PTCHD4: variants seen among roughly 807,000 people sequenced by gnomAD.
PTCHD4 encodes the protein patched domain-containing protein 4.
PTCHD4 carries 33 observed loss-of-function variants against 58.1 expected under a neutral mutation model. The observed-to-expected ratio is 0.57, with a 90% CI of 0.43 to 0.76. The LOEUF is 0.76. Among genes scored for constraint, PTCHD4 ranks in the 30% least tolerant of loss-of-function variants. The pLI is 0.00. For synonymous variants in PTCHD4, 478 were observed against 409.6 expected, an observed-to-expected ratio of 1.17 and a Z score of -2.02; for missense variants, 1,058 against 1,027.1, an observed-to-expected ratio of 1.03 and a Z score of -0.41.
At chr6:48,026,871 G>A (rs1276226008) in intron 3 of PTCHD4, among the ~76,000 whole-genome samples, 1 of 150,824 alleles carries the variant, frequency 6.6e-6, no homozygotes, top group African/African-American at 2.4e-5. Flanking sequence ...ATGATTATTC[G>A]TAAAAAGTTT....
At chr6:47,883,727 C>A (rs1199185356) in intron 4 of PTCHD4, among the ~76,000 whole-genome samples, 1 of 152,096 alleles carries the variant, frequency 6.6e-6, no homozygotes, top group Non-Finnish European at 1.5e-5. Context: ...CTGTCATGAA[C>A]TTTGGAGGAT....
At chr6:48,017,636 T>C (rs1380813044) in intron 3 of PTCHD4, among the ~76,000 whole-genome samples, 1 of 152,186 alleles carries the variant, frequency 6.6e-6, no homozygotes, top group East Asian at 1.9e-4. Context: ...AGGCAACTCT[T>C]CCAATTGCTC....
chr6:48,087,487 C>T (rs1247683070), intron 1 of PTCHD4, among the ~76,000 whole-genome samples: 1 of 152,074 alleles, frequency 6.6e-6, no homozygotes, highest in African/African-American at 2.4e-5. Context: ...GTTAATTATA[C>T]TAATTTACAT....
rs1360076 is a variant in PTCHD4 at position 47,862,761 on chromosome 6, C to A, written c.*15542G>T. 0.67 allele frequency among the ~76,000 whole-genome samples: 101,369 copies of A among 151,622 alleles called. 34,374 individuals carry two copies. The highest frequency in any genetic ancestry group is 0.78 in the East Asian group (4,014 of 5,128). On this transcript the variant is annotated 3_prime_UTR_variant, in exon 5 of 5. Transcript: ENST00000339488. ...TAGAAAATAAGAACTGATTTCCACA[C>A]AGACCCATTAATACTGTTTCCTTTG...
rs150640122 is a variant in PTCHD4 at position 48,003,415 on chromosome 6, A to G, written c.898+5219T>C. On this transcript the variant is annotated intron_variant, in intron 4 of 4. Transcript: ENST00000339488. ...TTGGTCCTCTAAGCCTGGGGTCATC[A>G]TTGACAATTCTTTTTCTCTTACATG... 4.8e-4 allele frequency among the ~76,000 whole-genome samples: 73 copies of G among 152,274 alleles called. No homozygotes were observed. In the East Asian group the frequency reaches 0.012, roughly 25 times the overall value.
chr6:48,023,294 G>A (rs1452028561), intron 3 of PTCHD4, among the ~76,000 whole-genome samples: 1 of 152,062 alleles, frequency 6.6e-6, no homozygotes, highest in Non-Finnish European at 1.5e-5. Flanking sequence ...TAAGTCCAGT[G>A]GTAGTAAGTT....
At chr6:48,053,267 AT>A (rs1332713839) in intron 3 of PTCHD4, among the ~76,000 whole-genome samples, 1 of 152,188 alleles carries the variant, frequency 6.6e-6, no homozygotes, top group Non-Finnish European at 1.5e-5. Flanking sequence ...ACTGATTAAA[AT>A]TCTTTAATAT....
At chr6:47,900,604 A>G (rs1194590557) in intron 4 of PTCHD4, 1 of 152,190 alleles carries the variant, frequency 6.6e-6, no homozygotes, top group African/African-American at 2.4e-5. Flanking sequence ...TTGAAGTACA[A>G]CTTTTAAGTT....
At chr6:48,104,172 A>G (rs903611728) in intron 1 of PTCHD4, among the ~76,000 whole-genome samples, 4 of 152,344 alleles carry the variant, frequency 2.6e-5, no homozygotes, top group Admixed American at 2.0e-4. Context: ...AGTTGAAGTG[A>G]AGGAAAAAAT....
At chr6:47,896,581 A>C (rs747075256) in intron 4 of PTCHD4, among the ~76,000 whole-genome samples, 6 of 152,204 alleles carry the variant, frequency 3.9e-5, no homozygotes, top group Non-Finnish European at 2.9e-5. Context: ...ATGAAAATGT[A>C]AATACTCCTG....
At chr6:47,901,553 A>G (rs2114147579) in intron 4 of PTCHD4, 1 of 1,027,576 alleles carries the variant, frequency 9.7e-7, no homozygotes, top group Non-Finnish European at 1.2e-6. Context: ...ACTAAACAGT[A>G]CTTATAATGC....
intron 4 of PTCHD4, among the ~76,000 whole-genome samples, chr6:47,956,782 T>C (rs1766878968): frequency 6.6e-6 from 1 of 152,138 alleles, no homozygotes; most frequent in Non-Finnish European, 1.5e-5. Flanking sequence ...GTTTAAACTA[T>C]TCATACATAC....
At chr6:48,017,403 C>G (rs1470225020) in intron 3 of PTCHD4, among the ~76,000 whole-genome samples, 1 of 151,754 alleles carries the variant, frequency 6.6e-6, no homozygotes, top group African/African-American at 2.4e-5. Context: ...CATTAGTAAG[C>G]TAGAAAAAGG....
At chr6:48,085,388 A>G (rs1013296758) in intron 1 of PTCHD4, among the ~76,000 whole-genome samples, 2 of 152,164 alleles carry the variant, frequency 1.3e-5, no homozygotes, top group African/African-American at 4.8e-5. Context: ...ACATTCTCAC[A>G]TATAAGCATA....
chr6:48,007,818 C>A (rs1160389690), intron 4 of PTCHD4, among the ~76,000 whole-genome samples: 1 of 152,058 alleles, frequency 6.6e-6, no homozygotes, highest in African/African-American at 2.4e-5. Context: ...CTTGCTGAAC[C>A]AACAGCTATC....
intron 4 of PTCHD4, among the ~76,000 whole-genome samples, chr6:47,935,081 T>A (rs943330250): frequency 6.6e-6 from 1 of 152,220 alleles, no homozygotes; most frequent in Non-Finnish European, 1.5e-5. Flanking sequence ...TTCCAGTAAG[T>A]TGGGTTTGTG....
intron 4 of PTCHD4, chr6:47,901,372 G>T (rs942347923): frequency 2.3e-6 from 2 of 863,044 alleles, no homozygotes; most frequent in South Asian, 5.3e-5. Context: ...AGAATTATTT[G>T]GGAAGTGTTC....
chr6:47,880,257 A>G (rs1763981085), intron 4 of PTCHD4, among the ~76,000 whole-genome samples: 1 of 152,210 alleles, frequency 6.6e-6, no homozygotes, highest in Non-Finnish European at 1.5e-5. Flanking sequence ...CTTCCTAAAT[A>G]GACAGTTTTG....
intron 1 of PTCHD4, among the ~76,000 whole-genome samples, chr6:48,071,609 A>G (rs1764976283): frequency 6.6e-6 from 1 of 152,224 alleles, no homozygotes; most frequent in African/African-American, 2.4e-5. Context: ...AGTTTCTCCT[A>G]TTATTAATAT....
Sources: allele counts gnomAD v4.1 joint callset (sites outside exome capture counted in the v4.1 genomes callset), GRCh38; gene constraint gnomAD v4.1.1; transcripts MANE v1.5; gene names NCBI Gene and HGNC (gene_info 2026-07-23, HGNC 2026-07-21).